Variants in DSCAML1 observed in about 807,000 individuals in gnomAD.
DSCAML1 encodes cell adhesion molecule DSCAML1.
A neutral mutation model predicts 200.5 loss-of-function variants in DSCAML1; 38 were observed. The observed-to-expected ratio is 0.19, with a 90% CI of 0.15 to 0.25. The LOEUF (loss-of-function observed/expected upper bound fraction) is 0.25. DSCAML1 is among the 10% of genes least tolerant of loss of function. The pLI, the probability that DSCAML1 is intolerant of heterozygous loss-of-function variation, is 1.00. For synonymous variants in DSCAML1, 1,215 were observed against 1,165.0 expected (o/e 1.04, Z -0.87); for missense variants, 2,223 against 2,858.8 (o/e 0.78, Z 5.07).
chr11:117,502,738 C>T lies in DSCAML1; in HGVS notation c.2359+1107G>A, dbSNP rs549146269. The stretch of plus-strand genomic sequence containing the variant: ...TGCCACTACACATAACAAAGCTGGC[C>T]AGGTCATGAAATCTTTGCTGGCCAC... On this transcript the variant is annotated intron_variant, in intron 11 of 32. Coordinates refer to ENST00000651296, the MANE Select transcript of DSCAML1 (RefSeq NM_020693.4). 8.9e-4 allele frequency among the ~76,000 whole-genome samples: 135 copies of T among 152,276 alleles called. 1 individual carries two copies. Among genetic ancestry groups the T allele is most frequent in the African/African-American group, 3.2e-3 (131 of 41,556 alleles).
intron 3 of DSCAML1, among the ~76,000 whole-genome samples, chr11:117,713,440 C>T (rs79876834): frequency 0.057 from 8,620 of 152,048 alleles, 591 homozygotes; most frequent in African/African-American, 0.17. Flanking sequence ...GATAGCTTCC[C>T]ATCCCATCCC....
chr11:117,715,296 C>G (rs7108308), intron 3 of DSCAML1, among the ~76,000 whole-genome samples: 9,661 of 152,082 alleles, frequency 0.064, 474 homozygotes, highest in East Asian at 0.13. Context: ...CCAGGTTTCA[C>G]CTCTCCTTCA....
At chr11:117,532,131 C>CAA (rs397767566) in intron 4 of DSCAML1, among the ~76,000 whole-genome samples, 42,892 of 139,030 alleles carry the variant, frequency 0.31, 6,666 homozygotes, top group African/African-American at 0.42. Flanking sequence ...ACAGGAAAGA[C>CAA]AAAAAAAAAA....
In DSCAML1 at chr11:117,588,510, C is replaced by T. The variant is rs538931541; in HGVS notation, c.512-55988G>A. Among the ~76,000 whole-genome samples the T allele has an allele frequency of 4.6e-4, 70 of 152,298 alleles. 2 individuals carry two copies. The South Asian group carries it at 0.013, about 29-fold the overall frequency. ...TCCCCTGCAGTCCCCTGAGCCGGTG[C>T]ATTGAGGGGTGTGAAGCGTTTTGTA... On this transcript the variant is annotated intron_variant, in intron 3 of 32. Coordinates refer to ENST00000651296, the MANE Select transcript of DSCAML1 (RefSeq NM_020693.4).
At chr11:117,739,657 G>C (rs1315187903) in intron 3 of DSCAML1, among the ~76,000 whole-genome samples, 1 of 152,204 alleles carries the variant, frequency 6.6e-6, no homozygotes, top group East Asian at 1.9e-4. Flanking sequence ...TGGTTATTCA[G>C]GGTGTGCACT....
intron 11 of DSCAML1, among the ~76,000 whole-genome samples, chr11:117,492,983 A>G (rs1346652924): frequency 6.6e-6 from 1 of 152,228 alleles, no homozygotes; most frequent in African/African-American, 2.4e-5. Context: ...TTCAGCGCCA[A>G]GAGCCAGTGG....
In DSCAML1 at chr11:117,486,330, T is replaced by C. The variant is rs900696678; in HGVS notation, c.2360-4168A>G. ...GTAGTGGATGTGAAAGTAGCGGATG[T>C]GAAAATGGCGGATGTGATAATGGCG... On this transcript the variant is annotated intron_variant, in intron 11 of 32. Coordinates refer to ENST00000651296, the MANE Select transcript of DSCAML1 (RefSeq NM_020693.4). Among the ~76,000 whole-genome samples, 2 of 148,602 alleles carry C rather than the reference T, an allele frequency of 1.3e-5. 1 individual carries two copies. Among genetic ancestry groups the C allele is most frequent in the Middle Eastern group, 6.5e-3 (2 of 308 alleles).
At chr11:117,512,474 G>A (rs2049645297) in intron 8 of DSCAML1, among the ~76,000 whole-genome samples, 2 of 152,194 alleles carry the variant, frequency 1.3e-5, no homozygotes, top group Non-Finnish European at 2.9e-5. Context: ...GGGGATGAGG[G>A]GGCCTGAGCT....
chr11:117,625,375 A>G (rs577760629), intron 3 of DSCAML1, among the ~76,000 whole-genome samples: 5 of 145,862 alleles, frequency 3.4e-5, no homozygotes, highest in African/African-American at 1.2e-4. Flanking sequence ...TTGGGAGAAG[A>G]AGGAGAGTGA....
chr11:117,446,667 C>A (rs1054637376), intron 20 of DSCAML1, among the ~76,000 whole-genome samples: 1 of 152,098 alleles, frequency 6.6e-6, no homozygotes, highest in East Asian at 1.9e-4. Flanking sequence ...TAAAGCAGAA[C>A]AAATCAGAAA....
At chr11:117,775,963 G>T (rs888874600) in intron 3 of DSCAML1, among the ~76,000 whole-genome samples, 3 of 152,162 alleles carry the variant, frequency 2.0e-5, no homozygotes, top group Admixed American at 2.0e-4. Context: ...TACAGCATGG[G>T]AAACAAAGGT....
chr11:117,465,291 C>G, intron 16 of DSCAML1, 109 bp from the exon 17 acceptor site: 1 of 1,449,560 alleles, frequency 6.9e-7, no homozygotes. Context: ...CCTTCAAAGG[C>G]TCCCATCTCA....
At chr11:117,788,405 CA>C (rs1184478335) in intron 1 of DSCAML1, among the ~76,000 whole-genome samples, 1 of 152,226 alleles carries the variant, frequency 6.6e-6, no homozygotes, top group Admixed American at 6.5e-5. Context: ...TGGCTCACTG[CA>C]ACCTCCACCT....
chr11:117,785,910 G>A (rs1187841626), intron 1 of DSCAML1, among the ~76,000 whole-genome samples: 2 of 152,136 alleles, frequency 1.3e-5, no homozygotes, highest in Admixed American at 6.5e-5. Context: ...CCTACAGCCA[G>A]GAAGAGATGG....
intron 3 of DSCAML1, among the ~76,000 whole-genome samples, chr11:117,710,806 A>G (rs2053835079): frequency 6.6e-6 from 1 of 152,230 alleles, no homozygotes; most frequent in Non-Finnish European, 1.5e-5. Flanking sequence ...AATACCATAA[A>G]TATAGCAATG....
chr11:117,435,622 G>T (rs2047899522), intron 27 of DSCAML1, 22 bp downstream of exon 27: 11 of 1,575,034 alleles, frequency 7.0e-6, no homozygotes, highest in South Asian at 1.1e-5. Flanking sequence ...CCTCCTGGAA[G>T]GCCCATAGGA....
chr11:117,718,374 G>C (rs563957126), intron 3 of DSCAML1, among the ~76,000 whole-genome samples: 111 of 152,340 alleles, frequency 7.3e-4, no homozygotes, highest in Middle Eastern at 3.4e-3. Flanking sequence ...GGGTGAAAGG[G>C]GTTATGGGTG....
Position 117,697,371 on chromosome 11 carries a change from T to C in DSCAML1, c.511+79420A>G, listed in dbSNP as rs142081601. On this transcript the variant is annotated intron_variant, in intron 3 of 32. Coordinates refer to ENST00000651296, the MANE Select transcript of DSCAML1 (RefSeq NM_020693.4). ...GATTCTCAGGCAAACCTGGAATGGA[T>C]CTATTTGTCTCTTTCTTCTCTTATG... Among the ~76,000 whole-genome samples, 527 of 152,304 alleles carry C rather than the reference T, an allele frequency of 3.5e-3. 2 individuals carry two copies. The highest frequency in any genetic ancestry group is 5.8e-3 in the Non-Finnish European group (396 of 68,014).
intron 3 of DSCAML1, among the ~76,000 whole-genome samples, chr11:117,609,291 TTTTCTTTC>T (rs140529856): frequency 1.2e-4 from 17 of 142,322 alleles, no homozygotes; most frequent in East Asian, 4.0e-4. Flanking sequence ...GTTGATTTTC[TTTTCTTTC>T]TTTCTTTCTT....
Sources: allele counts gnomAD v4.1 joint callset (sites outside exome capture counted in the v4.1 genomes callset), GRCh38; gene constraint gnomAD v4.1.1; transcripts MANE v1.5; gene names NCBI Gene and HGNC (gene_info 2026-07-23, HGNC 2026-07-21).